Variants in FBXL7 observed in about 807,000 individuals in gnomAD.
The protein encoded by FBXL7 is F-box and leucine rich repeat protein 7, also known as F-box/LRR-repeat protein 7.
In FBXL7, 12 loss-of-function variants were observed where a neutral mutation model predicts 38.3. That is an observed-to-expected ratio of 0.31 (90% CI 0.20 to 0.51). The LOEUF is 0.51. Ranked by LOEUF, FBXL7 falls within the 20% of genes least tolerant of loss-of-function variation. The pLI, the probability that FBXL7 is intolerant of heterozygous loss-of-function variation, is 0.98. For missense variants in FBXL7, 567 were observed against 676.4 expected, an observed-to-expected ratio of 0.84 and a Z score of 1.79; for synonymous variants, 297 against 300.9, an observed-to-expected ratio of 0.99 and a Z score of 0.13.
At chr5:15,850,862 C>T (rs1218729620) in intron 2 of FBXL7, among the ~76,000 whole-genome samples, 2 of 152,192 alleles carry the variant, frequency 1.3e-5, no homozygotes, top group Non-Finnish European at 2.9e-5. Context: ...CTTTTTCAAA[C>T]ATCCTGTAGA....
chr5:15,798,635 G>T (rs1053162014), intron 2 of FBXL7, among the ~76,000 whole-genome samples: 10 of 152,160 alleles, frequency 6.6e-5, no homozygotes, highest in African/African-American at 2.4e-4. Context: ...TTCTCACTAT[G>T]TATCTTGTTT....
chr5:15,749,453 C>T (rs1396052834), intron 2 of FBXL7, among the ~76,000 whole-genome samples: 1 of 151,792 alleles, frequency 6.6e-6, no homozygotes, highest in Non-Finnish European at 1.5e-5. Flanking sequence ...GGTGAAACCC[C>T]ATCTCTGTTA....
chr5:15,682,003 T>A (rs544142541), intron 2 of FBXL7, among the ~76,000 whole-genome samples: 22 of 152,362 alleles, frequency 1.4e-4, no homozygotes, highest in African/African-American at 5.3e-4. Flanking sequence ...AGGTCTGCGT[T>A]AGTCAGAATA....
At chr5:15,759,898 A>G (rs1736394628) in intron 2 of FBXL7, among the ~76,000 whole-genome samples, 1 of 152,210 alleles carries the variant, frequency 6.6e-6, no homozygotes, top group South Asian at 2.1e-4. Flanking sequence ...TCAGAACGAT[A>G]TAGTACCTCC....
intron 2 of FBXL7, among the ~76,000 whole-genome samples, chr5:15,838,409 T>C (rs898039538): frequency 6.6e-5 from 10 of 152,012 alleles, no homozygotes; most frequent in Admixed American, 4.6e-4. Context: ...CTAATCCCAC[T>C]CATGAGTGCT....
At position 15,934,783 on chromosome 5, in the gene FBXL7, C is replaced by T. The variant is rs577205950; in HGVS notation, c.740-1667C>T. ...CCTCTTATGGAAGACTCTTTTCCCT[C>T]TATAAACCGCTCATTCATTCAACAG... On this transcript the variant is annotated intron_variant, in intron 3 of 3. Coordinates refer to ENST00000504595, the MANE Select transcript of FBXL7 (RefSeq NM_012304.5). Among the ~76,000 whole-genome samples the T allele has an allele frequency of 3.9e-5, 6 of 152,308 alleles. No homozygotes were observed. In the East Asian group the frequency reaches 5.8e-4, roughly 15 times the overall value.
At chr5:15,877,403 A>G (rs1236649611) in intron 2 of FBXL7, among the ~76,000 whole-genome samples, 2 of 152,222 alleles carry the variant, frequency 1.3e-5, no homozygotes, top group Non-Finnish European at 2.9e-5. Flanking sequence ...AACAGAAATA[A>G]TAATTTCCTT....
rs186574434 is a variant in FBXL7 at position 15,666,298 on chromosome 5, A to G, written c.127+50226A>G. Among the ~76,000 whole-genome samples the G allele has an allele frequency of 2.0e-5, 3 of 152,318 alleles. No individual in the cohort carries two copies. In the East Asian group the frequency reaches 5.8e-4, roughly 29 times the overall value. ...GCAAAATACACATAGCATGAAATTT[A>G]CTGTCTTAATTATGTTTAAGTGTGC... On this transcript the variant is annotated intron_variant, in intron 2 of 3. Transcript: ENST00000504595.
chr5:15,578,463 A>G (rs573535986), intron 1 of FBXL7, among the ~76,000 whole-genome samples: 60 of 152,298 alleles, frequency 3.9e-4, no homozygotes, highest in Admixed American at 3.5e-3. Flanking sequence ...GTGGTTTTGT[A>G]TCAAACTGGT....
At chr5:15,806,611 C>A (rs535865560) in intron 2 of FBXL7, among the ~76,000 whole-genome samples, 2 of 152,064 alleles carry the variant, frequency 1.3e-5, no homozygotes, top group East Asian at 3.9e-4. Context: ...TGATAATTAT[C>A]AGGTTGGGAC....
chr5:15,642,212 A>G (rs897665160), intron 2 of FBXL7, among the ~76,000 whole-genome samples: 1 of 152,084 alleles, frequency 6.6e-6, no homozygotes, highest in South Asian at 2.1e-4. Flanking sequence ...TCCCTCTGCT[A>G]TTATGTGCTT....
Position 15,928,078 on chromosome 5 carries a change from A to G in FBXL7, c.316A>G (p.Arg106Gly). The change falls in exon 3 of 4, where the codon AGA becomes GGA. Residue 106 changes from arginine (R) to glycine (G), a missense_variant. Transcript: ENST00000504595. The surrounding 1 kb of genome is among the most constrained non-coding windows in gnomAD (Gnocchi z 4.0). ...LTHPLIRLASRPQKEQASIDR... is the reference protein window; with the variant it reads ...LTHPLIRLASGPQKEQASIDR... ...ACACCCGCTCATCCGGCTCGCCTCCAGACCCCAGAAGGAGCAGGCCAGCAT... is the reference window on the plus strand; with the variant it reads ...ACACCCGCTCATCCGGCTCGCCTCCGGACCCCAGAAGGAGCAGGCCAGCAT... 8 of 1,193,988 alleles carry G rather than the reference A, an allele frequency of 6.7e-6. No individual in the cohort carries two copies. The highest frequency in any genetic ancestry group is 8.5e-6 in the Non-Finnish European group (8 of 941,264). The allele number at this position is 1,193,988 out of a possible 1,614,324, so 74.0% of individuals were successfully genotyped here. A position where few individuals can be genotyped will look rare whatever the true frequency, so the allele number is the denominator to read the frequency against.
chr5:15,550,305 C>T (rs1281277151), intron 1 of FBXL7, among the ~76,000 whole-genome samples: 1 of 152,156 alleles, frequency 6.6e-6, no homozygotes, highest in African/African-American at 2.4e-5. Context: ...GAATGAAAAT[C>T]ATGTCACAAA....
chr5:15,664,504 G>C (rs12658048), intron 2 of FBXL7, among the ~76,000 whole-genome samples: 47,721 of 131,232 alleles, frequency 0.36, 8,781 homozygotes, highest in East Asian at 0.5. Context: ...GACAGTCTTG[G>C]TCTGTCACCC....
chr5:15,709,242 T>C (rs1009613475), intron 2 of FBXL7, among the ~76,000 whole-genome samples: 1 of 152,128 alleles, frequency 6.6e-6, no homozygotes, highest in Non-Finnish European at 1.5e-5. Context: ...CCATTAAAAA[T>C]GCAAATCCTG....
intron 2 of FBXL7, among the ~76,000 whole-genome samples, chr5:15,776,198 A>G (rs1381393555): frequency 6.6e-6 from 1 of 152,116 alleles, no homozygotes; most frequent in African/African-American, 2.4e-5. Context: ...CAACATTCGG[A>G]TTAATAAAGT....
intron 2 of FBXL7, among the ~76,000 whole-genome samples, chr5:15,844,444 T>C (rs1738837422): frequency 6.6e-6 from 1 of 152,210 alleles, no homozygotes; most frequent in African/African-American, 2.4e-5. Context: ...CGGCAGCTCT[T>C]GGCACTGCTG....
intron 2 of FBXL7, among the ~76,000 whole-genome samples, chr5:15,669,649 C>T (rs565328601): frequency 6.6e-6 from 1 of 152,304 alleles, no homozygotes; most frequent in Non-Finnish European, 1.5e-5. Context: ...CTTCCGTATT[C>T]TTCCTAACAG....
chr5:15,731,382 AT>A (rs1015837017), intron 2 of FBXL7, among the ~76,000 whole-genome samples: 8 of 152,126 alleles, frequency 5.3e-5, no homozygotes, highest in African/African-American at 1.9e-4. Context: ...AGAAACTCCC[AT>A]TTTTAAAACC....
Sources: gnomAD v4.1 joint callset for allele counts (sites outside exome capture counted in the v4.1 genomes callset) on GRCh38, gnomAD v4.1.1 for gene constraint, Gnocchi (gnomAD v3.1) non-coding constraint, MANE v1.5 for transcripts, NCBI Gene and HGNC (gene_info 2026-07-23, HGNC 2026-07-21) for gene names.